CPNE1: variants seen among roughly 807,000 people sequenced by gnomAD.
CPNE1 encodes copine 1, also known as copine-1.
A neutral mutation model predicts 63.2 loss-of-function variants in CPNE1; 58 were observed. That is an observed-to-expected ratio of 0.92 (90% confidence interval 0.74 to 1.14). The LOEUF (loss-of-function observed/expected upper bound fraction) is 1.14, where lower values mean the gene tolerates loss of function less well. Among genes scored for constraint, CPNE1 ranks in the 50% most tolerant of loss-of-function variants. CPNE1 has a pLI of 0.00. For missense variants in CPNE1, 672 were observed against 661.7 expected, an observed-to-expected ratio of 1.02 and a Z score of -0.17; for synonymous variants, 237 against 249.0, an observed-to-expected ratio of 0.95 and a Z score of 0.45.
chr20:35,626,182 TGGCCCAGAGGGACCTCTGGGACACAG>T lies in CPNE1; in HGVS notation c.*33_*58del, dbSNP rs1460491133. ...GAGGAGAGTGAGAAGGGTTGGGTTG[TGGCCCAGAGGGACCTCTGGGACACAG>T]GATTGAGGACTTGCCACAGCCTCCA... On this transcript the variant is annotated 3_prime_UTR_variant, in exon 16 of 16. Coordinates refer to ENST00000397443, the MANE Select transcript of CPNE1 (RefSeq NM_152925.3). The T allele has an allele frequency of 3.2e-6, 5 of 1,574,304 alleles. No homozygotes were observed. In the African/African-American group the frequency reaches 6.8e-5, roughly 21 times the overall value.
intron 1 of CPNE1, among the ~76,000 whole-genome samples, chr20:35,660,321 T>C (rs914091246): frequency 1.3e-5 from 2 of 152,212 alleles, no homozygotes; most frequent in African/African-American, 4.8e-5. Flanking sequence ...CAAGCTATTC[T>C]CATGCCTCAG....
chr20:35,654,746 T>C (rs200154452), intron 1 of CPNE1: 51 of 1,613,546 alleles, frequency 3.2e-5, no homozygotes, highest in Non-Finnish European at 3.9e-5. Context: ...ATCGCTGGAA[T>C]TGGAGGAATT....
intron 1 of CPNE1, chr20:35,652,812 T>C (rs752461307): frequency 5.7e-6 from 9 of 1,587,692 alleles, no homozygotes; most frequent in African/African-American, 1.3e-5. Context: ...CAATATGGAT[T>C]GGGCCAGGGC....
chr20:35,629,140 A>C (rs974193608), intron 13 of CPNE1, among the ~76,000 whole-genome samples: 6 of 152,252 alleles, frequency 3.9e-5, no homozygotes, highest in African/African-American at 1.4e-4. Flanking sequence ...GAGAAAACAA[A>C]TGTGGTAAAA....
At chr20:35,628,426 A>G (rs1159486102) in intron 13 of CPNE1, among the ~76,000 whole-genome samples, 4 of 152,322 alleles carry the variant, frequency 2.6e-5, no homozygotes, top group South Asian at 4.1e-4. Flanking sequence ...TATAGTGGAG[A>G]AACCTGGTAG....
At position 35,663,600 on chromosome 20, in the gene CPNE1, G is replaced by A. The variant is rs535758072; in HGVS notation, c.-1+1160C>T. On this transcript the variant is annotated intron_variant, in intron 1 of 15. Transcript: ENST00000397443. ...CTCTGAGAATCCTGGAGCCAAGGAG[G>A]GTTTTAGGGCCCAGAAATCTCTTAA... is the stretch of plus-strand genomic sequence containing the variant. 4.6e-5 allele frequency among the ~76,000 whole-genome samples: 7 copies of A among 152,198 alleles called. No individual in the cohort carries two copies. The East Asian group carries it at 1.4e-3, about 29-fold the overall frequency.
At chr20:35,652,877 G>C (rs1568933841) in intron 1 of CPNE1, 12 of 1,613,116 alleles carry the variant, frequency 7.4e-6, no homozygotes, top group Admixed American at 1.7e-5. Context: ...AAATGCCCAG[G>C]GGCACTTCCA....
chr20:35,631,186 C>T lies in CPNE1; in HGVS notation c.802-13G>A. ...ACTCTGTTTCTACCTGCAAATGAAA[C>T]CAGGGTCATGCCTGGGGTGATAGCA... On this transcript the variant is annotated splice_polypyrimidine_tract_variant and intron_variant, in intron 9 of 15. Coordinates refer to ENST00000397443, the MANE Select transcript of CPNE1 (RefSeq NM_152925.3). The T allele has an allele frequency of 1.2e-6, 2 of 1,613,952 alleles. No individual in the cohort carries two copies. The highest frequency in any genetic ancestry group is 1.7e-5 in the Admixed American group (1 of 60,010).
chr20:35,653,637 C>A lies in CPNE1; in HGVS notation c.-1+11123G>T, dbSNP rs539871048. On this transcript the variant is annotated intron_variant, in intron 1 of 15. Coordinates refer to ENST00000397443, the MANE Select transcript of CPNE1 (RefSeq NM_152925.3). ...CATCCACTGGGATTCCTTCTAGGAA[C>A]TGAAGAACATCCATCTTTGTAATGC... is the stretch of plus-strand genomic sequence containing the variant. The A allele has an allele frequency of 1.7e-5, 27 of 1,614,036 alleles. No homozygotes were observed. Among genetic ancestry groups the A allele is most frequent in the Non-Finnish European group, 2.3e-5 (27 of 1,180,058 alleles).
intron 1 of CPNE1, among the ~76,000 whole-genome samples, chr20:35,637,992 G>T (rs1378803755): frequency 6.6e-6 from 1 of 152,156 alleles, no homozygotes; most frequent in Middle Eastern, 3.2e-3. Flanking sequence ...ACCCACAGCA[G>T]TATCTATCTA....
intron 1 of CPNE1, chr20:35,652,388 G>T: frequency 2.0e-6 from 2 of 986,556 alleles, no homozygotes; most frequent in Non-Finnish European, 1.5e-6. Flanking sequence ...GTCAACCAAT[G>T]CTCTATGTTA....
At chr20:35,637,482 A>C (rs895952958) in intron 1 of CPNE1, among the ~76,000 whole-genome samples, 1 of 152,236 alleles carries the variant, frequency 6.6e-6, no homozygotes, top group East Asian at 1.9e-4. Flanking sequence ...CTAGTCATCC[A>C]AAGTTATTTC....
intron 1 of CPNE1, among the ~76,000 whole-genome samples, chr20:35,656,527 C>T (rs865910484): frequency 2.6e-5 from 4 of 152,110 alleles, no homozygotes; most frequent in African/African-American, 9.7e-5. Flanking sequence ...TCTGAAAAGT[C>T]AACTTTTATT....
chr20:35,656,849 T>G (rs982903887), intron 1 of CPNE1, among the ~76,000 whole-genome samples: 1 of 147,088 alleles, frequency 6.8e-6, no homozygotes, highest in Non-Finnish European at 1.5e-5. Flanking sequence ...AATCAGCTCA[T>G]GACCCTCAGA....
chr20:35,649,125 A>G (rs534907193), intron 1 of CPNE1: 140 of 152,682 alleles, frequency 9.2e-4, no homozygotes, highest in African/African-American at 3.1e-3. Flanking sequence ...TAGAACTGCC[A>G]GTAAAACAAT....
At chr20:35,640,631 T>C (rs2032747955) in intron 1 of CPNE1, among the ~76,000 whole-genome samples, 2 of 152,178 alleles carry the variant, frequency 1.3e-5, no homozygotes, top group South Asian at 4.1e-4. Context: ...CCCCAATTCT[T>C]ATAATCCTAT....
rs572736637 is a variant in CPNE1 at position 35,652,823 on chromosome 20, C to T, written c.-1+11937G>A. The T allele has an allele frequency of 7.5e-5, 120 of 1,597,158 alleles. No individual in the cohort carries two copies. Among genetic ancestry groups the T allele is most frequent in the African/African-American group, 1.1e-4 (8 of 74,266 alleles). ...CCACCAATATGGATTGGGCCAGGGC[C>T]GGGGCCGGGGCCGGGGCCAGGCCCA... On this transcript the variant is annotated intron_variant, in intron 1 of 15. Coordinates refer to ENST00000397443, the MANE Select transcript of CPNE1 (RefSeq NM_152925.3).
At chr20:35,650,896 T>C (rs2033462363) in intron 1 of CPNE1, 1 of 152,650 alleles carries the variant, frequency 6.6e-6, no homozygotes, top group African/African-American at 2.4e-5. Flanking sequence ...GTAACTACGC[T>C]GATTTGTAGG....
At chr20:35,639,479 G>A (rs557425786) in intron 1 of CPNE1, among the ~76,000 whole-genome samples, 1 of 152,266 alleles carries the variant, frequency 6.6e-6, no homozygotes, top group East Asian at 1.9e-4. Flanking sequence ...TGGGATTACA[G>A]GCACCTGCCA....
Sources: allele counts gnomAD v4.1 joint callset (sites outside exome capture counted in the v4.1 genomes callset), GRCh38; gene constraint gnomAD v4.1.1; transcripts MANE v1.5; gene names NCBI Gene and HGNC (gene_info 2026-07-23, HGNC 2026-07-21).